The following RAB11FIP4 variants were observed in gnomAD, a reference collection of about 807,000 sequenced individuals.
RAB11FIP4 encodes the protein RAB11 family interacting protein 4.
Under a neutral mutation model 74.3 loss-of-function variants are expected in RAB11FIP4, and 23 were observed. The observed-to-expected ratio is 0.31, with a 90% CI of 0.22 to 0.44. The LOEUF is 0.44. Among genes scored for constraint, RAB11FIP4 ranks in the 20% least tolerant of loss-of-function variants. The probability of loss-of-function intolerance (pLI) is 1.00; values close to 1 mark genes in which losing one functional copy is unlikely to be tolerated. For missense variants in RAB11FIP4, 630 were observed against 863.9 expected, an observed-to-expected ratio of 0.73 and a Z score of 3.39; for synonymous variants, 360 against 359.9, an observed-to-expected ratio of 1.00 and a Z score of 0.00.
At chr17:31,492,133 C>T (rs4794891) in intron 3 of RAB11FIP4, among the ~76,000 whole-genome samples, 57,166 of 151,902 alleles carry the variant, frequency 0.38, 11,656 homozygotes, top group East Asian at 0.5. Flanking sequence ...GTTTTCCGTA[C>T]TCTGGCCTGT....
At chr17:31,517,192 G>GGGC (rs2072569823) in intron 3 of RAB11FIP4, among the ~76,000 whole-genome samples, 1 of 27,420 alleles carries the variant, frequency 3.6e-5, no homozygotes, top group Non-Finnish European at 6.4e-5. Flanking sequence ...GAGGCGGTGC[G>GGGC]GGGGGGGGGG....
At chr17:31,400,976 A>C (rs574415261) in intron 1 of RAB11FIP4, among the ~76,000 whole-genome samples, 5 of 152,154 alleles carry the variant, frequency 3.3e-5, no homozygotes, top group Non-Finnish European at 5.9e-5. Flanking sequence ...CCCCCTTTAA[A>C]AGTGAGGCTT....
chr17:31,495,027 T>G (rs1286062114), intron 3 of RAB11FIP4, among the ~76,000 whole-genome samples: 4 of 152,216 alleles, frequency 2.6e-5, no homozygotes, highest in Non-Finnish European at 4.4e-5. Context: ...CCACCTGCCC[T>G]TCACCTCCAG....
intron 3 of RAB11FIP4, among the ~76,000 whole-genome samples, chr17:31,484,995 T>C (rs1372087539): frequency 6.6e-6 from 1 of 152,250 alleles, no homozygotes; most frequent in Non-Finnish European, 1.5e-5. Context: ...CCGGCACCCA[T>C]GCACAGAACC....
chr17:31,510,621 G>T (rs1281666565), intron 3 of RAB11FIP4, among the ~76,000 whole-genome samples: 2 of 152,180 alleles, frequency 1.3e-5, no homozygotes, highest in East Asian at 1.9e-4. Context: ...GGTGTGACTC[G>T]TGTGCAGGGC....
At chr17:31,393,594 G>T (rs1408560618) in intron 1 of RAB11FIP4, among the ~76,000 whole-genome samples, 1 of 152,186 alleles carries the variant, frequency 6.6e-6, no homozygotes. Flanking sequence ...ATACACTCTA[G>T]AGACAGACCT....
At chr17:31,486,322 C>A (rs1364889121) in intron 3 of RAB11FIP4, among the ~76,000 whole-genome samples, 1 of 152,002 alleles carries the variant, frequency 6.6e-6, no homozygotes, top group African/African-American at 2.4e-5. Flanking sequence ...CTCACTGCAG[C>A]CTCAAACTCC....
rs569638929 is a variant in RAB11FIP4, at chr17:31,453,510, C to T, written c.336+19388C>T. Among the ~76,000 whole-genome samples the T allele has an allele frequency of 3.9e-5, 6 of 152,008 alleles. No homozygotes were observed. In the South Asian group the frequency reaches 1.0e-3, roughly 26 times the overall value. On this transcript the variant is annotated intron_variant, in intron 3 of 14. Transcript: ENST00000621161. Reference sequence around the variant, plus strand: ...CCCTGAGCCTCACTTTCTTCACTTGCTAGATGGAGGTTGTAACTCGTGTCT... The same window carrying T: ...CCCTGAGCCTCACTTTCTTCACTTGTTAGATGGAGGTTGTAACTCGTGTCT...
At chr17:31,402,819 G>A (rs1486187728) in intron 1 of RAB11FIP4, among the ~76,000 whole-genome samples, 3 of 151,622 alleles carry the variant, frequency 2.0e-5, no homozygotes, top group Non-Finnish European at 4.4e-5. Context: ...TAGAGACGGG[G>A]TTTCACCGTG....
intron 1 of RAB11FIP4, among the ~76,000 whole-genome samples, chr17:31,393,512 G>A (rs1358511631): frequency 6.6e-6 from 1 of 152,214 alleles, no homozygotes; most frequent in Non-Finnish European, 1.5e-5. Context: ...ACCGGCCTCA[G>A]CCACGTGCCC....
intron 3 of RAB11FIP4, among the ~76,000 whole-genome samples, chr17:31,449,447 C>G (rs1349134907): frequency 6.6e-6 from 1 of 152,204 alleles, no homozygotes; most frequent in African/African-American, 2.4e-5. Flanking sequence ...CCTCCAAAGA[C>G]TGGTCTCAAC....
intron 3 of RAB11FIP4, among the ~76,000 whole-genome samples, chr17:31,463,451 C>T (rs1199220028): frequency 2.0e-5 from 3 of 152,096 alleles, no homozygotes; most frequent in Non-Finnish European, 4.4e-5. Context: ...ATTTTGGCAC[C>T]AACACAGGAG....
intron 1 of RAB11FIP4, among the ~76,000 whole-genome samples, chr17:31,404,511 T>C (rs2071024961): frequency 6.6e-6 from 1 of 152,246 alleles, no homozygotes; most frequent in African/African-American, 2.4e-5. Flanking sequence ...CTCATCTGTA[T>C]AGTGGGGATA....
chr17:31,500,689 G>T (rs1426493081), intron 3 of RAB11FIP4, among the ~76,000 whole-genome samples: 1 of 152,216 alleles, frequency 6.6e-6, no homozygotes, highest in Non-Finnish European at 1.5e-5. Context: ...ATGCTTCTCT[G>T]AAATTGAAAT....
intron 3 of RAB11FIP4, among the ~76,000 whole-genome samples, chr17:31,441,353 G>A (rs1230764843): frequency 6.6e-6 from 1 of 151,968 alleles, no homozygotes; most frequent in Non-Finnish European, 1.5e-5. Context: ...TCTTAAATAG[G>A]TTATGCACAC....
intron 3 of RAB11FIP4, among the ~76,000 whole-genome samples, chr17:31,481,377 A>G (rs1020448222): frequency 6.6e-5 from 10 of 152,086 alleles, no homozygotes; most frequent in Non-Finnish European, 1.2e-4. Flanking sequence ...CAGTTTAGGA[A>G]CCACTGCTTT....
chr17:31,505,611 T>TATA, intron 3 of RAB11FIP4, among the ~76,000 whole-genome samples: 1 of 39,282 alleles, frequency 2.5e-5, no homozygotes, highest in East Asian at 1.7e-3. Context: ...TAATAATAAT[T>TATA]ATATATAATA....
chr17:31,532,754 T>TGTGGCAGCAAGACTGCTTC lies in RAB11FIP4; in HGVS notation c.*1025_*1043dup, dbSNP rs1404024120. ...GAATCCTAGCTCCGGGCTCCACTCG[T>TGTGGCAGCAAGACTGCTTC]GTGGCAGCAAGACTGCTTCGTTCCA... On this transcript the variant is annotated 3_prime_UTR_variant, in exon 15 of 15. Coordinates refer to ENST00000621161, the MANE Select transcript of RAB11FIP4 (RefSeq NM_032932.6). The TGTGGCAGCAAGACTGCTTC allele has an allele frequency of 1.3e-5, 2 of 152,202 alleles. No individual in the cohort carries two copies. Among genetic ancestry groups the TGTGGCAGCAAGACTGCTTC allele is most frequent in the Admixed American group, 1.3e-4 (2 of 15,280 alleles). The allele number at this position is 152,202 out of a possible 1,614,324, so 9.4% of individuals were successfully genotyped here. A position where few individuals can be genotyped will look rare whatever the true frequency, so the allele number is the denominator to read the frequency against.
intron 3 of RAB11FIP4, among the ~76,000 whole-genome samples, chr17:31,449,818 A>C (rs1597923611): frequency 6.6e-6 from 1 of 152,128 alleles, no homozygotes; most frequent in East Asian, 1.9e-4. Context: ...CAATCCTCCA[A>C]TCTCAGACCC....
Sources: allele counts gnomAD v4.1 joint callset (sites outside exome capture counted in the v4.1 genomes callset), GRCh38; gene constraint gnomAD v4.1.1; transcripts MANE v1.5; gene names NCBI Gene and HGNC (gene_info 2026-07-23, HGNC 2026-07-21).